Variants in CEMIP observed in about 807,000 individuals in gnomAD.
CEMIP encodes the protein cell migration inducing hyaluronidase 1, also known as cell migration-inducing and hyaluronan-binding protein.
CEMIP carries 105 observed loss-of-function variants against 156.9 expected under a neutral mutation model. The ratio of observed to expected loss-of-function variants is 0.67; its 90% CI spans 0.57 to 0.79. The LOEUF is 0.79. Ranked by LOEUF, CEMIP falls within the 30% of genes least tolerant of loss-of-function variation. The pLI, the probability that CEMIP is intolerant of heterozygous loss-of-function variation, is 0.00. For missense variants in CEMIP, 1,457 were observed against 1,769.4 expected, an observed-to-expected ratio of 0.82 and a Z score of 3.17; for synonymous variants, 676 against 668.4, an observed-to-expected ratio of 1.01 and a Z score of -0.17.
chr15:80,916,530 C>G lies in CEMIP; in HGVS notation c.1798-3564C>G, dbSNP rs76782811. ...CATACATAGGGACTGAATGGCCACC[C>G]GTGAATCTATATGCATGTTTGTTTA... On this transcript the variant is annotated intron_variant, in intron 14 of 29. Coordinates refer to ENST00000394685, the MANE Select transcript of CEMIP (RefSeq NM_001293298.2). Among the ~76,000 whole-genome samples the G allele has an allele frequency of 1.3e-3, 205 of 152,268 alleles. 8 individuals carry two copies. In the East Asian group the frequency reaches 0.033, roughly 24 times the overall value.
chr15:80,834,812 C>T (rs536310509), intron 1 of CEMIP, among the ~76,000 whole-genome samples: 12 of 152,034 alleles, frequency 7.9e-5, no homozygotes, highest in East Asian at 7.7e-4. Flanking sequence ...AACATAGTGG[C>T]GTTTTGTTTG....
chr15:80,919,994 A>G, intron 14 of CEMIP, 100 bp from the exon 15 acceptor site: 1 of 1,083,702 alleles, frequency 9.2e-7, no homozygotes, highest in Non-Finnish European at 1.4e-6. Context: ...TGCTGAATGA[A>G]TGAATGAGCA....
chr15:80,915,986 G>A (rs1322208787), intron 14 of CEMIP, among the ~76,000 whole-genome samples: 2 of 152,174 alleles, frequency 1.3e-5, no homozygotes, highest in Non-Finnish European at 2.9e-5. Context: ...TTGTTGTCGA[G>A]TTTTTCATTA....
At chr15:80,813,322 A>G (rs1245978100) in intron 1 of CEMIP, among the ~76,000 whole-genome samples, 5 of 150,352 alleles carry the variant, frequency 3.3e-5, no homozygotes, top group Non-Finnish European at 7.4e-5. Context: ...CCTCCTCGTT[A>G]TCATTTGTAA....
At chr15:80,892,070 T>C (rs767074067) in intron 10 of CEMIP, among the ~76,000 whole-genome samples, 18 of 152,170 alleles carry the variant, frequency 1.2e-4, no homozygotes, top group Admixed American at 3.3e-4. Context: ...GCAGTTTTTC[T>C]CTGGTCACCT....
At chr15:80,830,234 G>A (rs138539996) in intron 1 of CEMIP, among the ~76,000 whole-genome samples, 6 of 152,168 alleles carry the variant, frequency 3.9e-5, no homozygotes, top group South Asian at 2.1e-4. Flanking sequence ...TCAGCATTTT[G>A]TAATTTACTT....
At position 80,887,696 on chromosome 15, in the gene CEMIP, A is replaced by G; in HGVS notation, c.800A>G (p.His267Arg). ...TGTTATGTTTTTCTTTTTTTCAGAC[A>G]CCCTTGGAGTTTTCTAACTGTGAAA... ...SKHFLHLGFR[H>R]PWSFLTVKGN... Residue 267 changes from histidine (H) to arginine (R), a missense_variant and splice_region_variant, in exon 8 of 30, where the codon CAC becomes CGC. Coordinates refer to ENST00000394685, the MANE Select transcript of CEMIP (RefSeq NM_001293298.2). 1 of 1,611,244 alleles carries G rather than the reference A, an allele frequency of 6.2e-7. No individual in the cohort carries two copies. Among genetic ancestry groups the G allele is most frequent in the Non-Finnish European group, 8.5e-7 (1 of 1,179,210 alleles).
intron 15 of CEMIP, 62 bp downstream of exon 15, chr15:80,920,361 T>G (rs1302353907): frequency 2.7e-5 from 39 of 1,461,672 alleles, no homozygotes; most frequent in Non-Finnish European, 3.6e-5. Context: ...TGTGCATGTG[T>G]TCACTCAGCT....
chr15:80,849,945 A>G (rs1897672910), intron 1 of CEMIP, among the ~76,000 whole-genome samples: 1 of 152,224 alleles, frequency 6.6e-6, no homozygotes, highest in South Asian at 2.1e-4. Context: ...GAGTTAGGTA[A>G]GGGCCACCCT....
intron 1 of CEMIP, among the ~76,000 whole-genome samples, chr15:80,850,443 AT>A (rs1422401821): frequency 2.0e-5 from 3 of 151,978 alleles, no homozygotes; most frequent in Non-Finnish European, 4.4e-5. Context: ...TGCCTAGCTA[AT>A]TTTTTTGTAT....
intron 1 of CEMIP, among the ~76,000 whole-genome samples, chr15:80,789,603 G>T (rs1178473467): frequency 1.3e-5 from 2 of 152,070 alleles, no homozygotes; most frequent in Non-Finnish European, 2.9e-5. Context: ...GGTCATCTCA[G>T]TGGTGTCTGT....
At chr15:80,936,033 C>T (rs1459503831) in intron 23 of CEMIP, among the ~76,000 whole-genome samples, 5 of 152,326 alleles carry the variant, frequency 3.3e-5, no homozygotes, top group Non-Finnish European at 5.9e-5. Context: ...CCACCGCGCC[C>T]GGCCAACACA....
At chr15:80,925,896 G>A (rs1157137354) in intron 19 of CEMIP, 141 bp downstream of exon 19, 4 of 1,304,610 alleles carry the variant, frequency 3.1e-6, no homozygotes, top group Non-Finnish European at 4.1e-6. Context: ...CAGCCAGGCA[G>A]GGGCATAGAA....
rs551075536 is a variant in CEMIP, at chr15:80,846,507, G to C, written c.-175-27031G>C. Among the ~76,000 whole-genome samples, 6 of 152,332 alleles carry C rather than the reference G, an allele frequency of 3.9e-5. No individual in the cohort carries two copies. In the East Asian group the frequency reaches 1.2e-3, roughly 29 times the overall value. ...AGCTATTCATGTGCTTGGCCGTCTG[G>C]GTCAAGGGAACTGATGTTCAAACAG... On this transcript the variant is annotated intron_variant, in intron 1 of 29. Transcript: ENST00000394685.
At chr15:80,944,776 G>T (rs767300608) in intron 28 of CEMIP, among the ~76,000 whole-genome samples, 3 of 152,186 alleles carry the variant, frequency 2.0e-5, no homozygotes, top group Non-Finnish European at 4.4e-5. Context: ...TTTGGGCAGA[G>T]AATTTTCTTT....
chr15:80,887,479 A>G (rs1420142973), intron 7 of CEMIP, among the ~76,000 whole-genome samples: 1 of 152,196 alleles, frequency 6.6e-6, no homozygotes, highest in Non-Finnish European at 1.5e-5. Context: ...AACATCAGGC[A>G]GGCCAGGGAG....
At chr15:80,846,377 C>T (rs1897557469) in intron 1 of CEMIP, among the ~76,000 whole-genome samples, 1 of 152,308 alleles carries the variant, frequency 6.6e-6, no homozygotes, top group Non-Finnish European at 1.5e-5. Context: ...ACAGGCTTTT[C>T]CTCCCCCAGG....
At chr15:80,808,453 A>G (rs1157649677) in intron 1 of CEMIP, among the ~76,000 whole-genome samples, 1 of 152,228 alleles carries the variant, frequency 6.6e-6, no homozygotes, top group African/African-American at 2.4e-5. Context: ...GCAGGGTTCT[A>G]GCAGCACCCA....
chr15:80,883,651 T>G (rs2141833637), intron 6 of CEMIP, among the ~76,000 whole-genome samples: 1 of 152,376 alleles, frequency 6.6e-6, no homozygotes, highest in East Asian at 1.9e-4. Flanking sequence ...GTTGGATCTC[T>G]GCAAGTAACT....
Sources: allele counts gnomAD v4.1 joint callset (sites outside exome capture counted in the v4.1 genomes callset), GRCh38; gene constraint gnomAD v4.1.1; transcripts MANE v1.5; gene names NCBI Gene and HGNC (gene_info 2026-07-23, HGNC 2026-07-21).